The following PHF14 variants were observed in gnomAD, a reference collection of about 807,000 sequenced individuals.
PHF14 encodes the protein PHD finger protein 14.
In PHF14, 55 loss-of-function variants were observed where a neutral mutation model predicts 117.9. That is an observed-to-expected ratio of 0.47 (90% CI 0.38 to 0.58). PHF14 has a LOEUF of 0.58. Ranked by LOEUF, PHF14 falls within the 20% of genes least tolerant of loss-of-function variation. The pLI, the probability that PHF14 is intolerant of heterozygous loss-of-function variation, is 0.00. For missense variants in PHF14, 978 were observed against 1,122.2 expected (o/e 0.87, Z 1.84); for synonymous variants, 409 against 368.6 (o/e 1.11, Z -1.26).
intron 17 of PHF14, among the ~76,000 whole-genome samples, chr7:11,133,528 A>T (rs573801707): frequency 7.6e-4 from 116 of 152,058 alleles, no homozygotes; most frequent in Middle Eastern, 3.4e-3. Flanking sequence ...AGGGTGGTAA[A>T]TATTATGTCA....
At chr7:11,121,920 A>G (rs566759863) in intron 17 of PHF14, among the ~76,000 whole-genome samples, 7 of 151,742 alleles carry the variant, frequency 4.6e-5, no homozygotes, top group Admixed American at 2.6e-4. Context: ...GTAGGTATAC[A>G]TGTGCCATGG....
chr7:11,033,864 C>T (rs934901701), intron 7 of PHF14, among the ~76,000 whole-genome samples: 1 of 152,098 alleles, frequency 6.6e-6, no homozygotes, highest in African/African-American at 2.4e-5. Flanking sequence ...CATGAGAAAG[C>T]AGCTGTTTGT....
At chr7:11,141,955 A>G (rs952502530) in intron 17 of PHF14, among the ~76,000 whole-genome samples, 3 of 152,080 alleles carry the variant, frequency 2.0e-5, no homozygotes, top group Non-Finnish European at 4.4e-5. Flanking sequence ...TATGAGAAGT[A>G]TTTACCTAGA....
At chr7:11,034,126 CT>C (rs970161505) in intron 7 of PHF14, among the ~76,000 whole-genome samples, 28 of 150,526 alleles carry the variant, frequency 1.9e-4, no homozygotes, top group African/African-American at 6.6e-4. Flanking sequence ...GCCTCATATG[CT>C]TTTTTTTTAA....
chr7:11,029,082 A>G (rs961397552), intron 7 of PHF14, among the ~76,000 whole-genome samples: 7 of 152,174 alleles, frequency 4.6e-5, no homozygotes, highest in Admixed American at 2.6e-4. Context: ...AAAGCATTAA[A>G]ATGTCGGCAT....
At chr7:10,980,356 A>G (rs1782009318) in intron 2 of PHF14, among the ~76,000 whole-genome samples, 1 of 152,100 alleles carries the variant, frequency 6.6e-6, no homozygotes, top group Admixed American at 6.6e-5. Flanking sequence ...TTCTTTAGTC[A>G]GTGTGCATAA....
At chr7:11,085,540 A>C (rs1005186799) in intron 16 of PHF14, among the ~76,000 whole-genome samples, 2 of 152,198 alleles carry the variant, frequency 1.3e-5, no homozygotes, top group Non-Finnish European at 1.5e-5. Context: ...TGCTAAATTT[A>C]ATCGTTTTTT....
chr7:11,023,047 T>C, intron 6 of PHF14, 68 bp downstream of exon 6: 1 of 775,974 alleles, frequency 1.3e-6, no homozygotes, highest in Non-Finnish European at 2.1e-6. Flanking sequence ...CCTGGCTTTT[T>C]ATTTGTATTA....
At chr7:10,999,681 C>G (rs1782791162) in intron 4 of PHF14, among the ~76,000 whole-genome samples, 1 of 152,154 alleles carries the variant, frequency 6.6e-6, no homozygotes, top group Non-Finnish European at 1.5e-5. Context: ...TAATACGACC[C>G]CTGCTTCAGA....
intron 17 of PHF14, among the ~76,000 whole-genome samples, chr7:11,157,786 A>G (rs1445379765): frequency 3.3e-5 from 5 of 152,222 alleles, no homozygotes; most frequent in Admixed American, 3.3e-4. Context: ...ATACTCATTT[A>G]TAGTGTGGAG....
chr7:10,999,437 TTTACTATA>T (rs1782779709), intron 4 of PHF14, among the ~76,000 whole-genome samples: 1 of 152,170 alleles, frequency 6.6e-6, no homozygotes, highest in African/African-American at 2.4e-5. Context: ...AAGCAACTCT[TTTACTATA>T]GCTTTTACTT....
chr7:10,984,805 G>C (rs908472953), intron 3 of PHF14, among the ~76,000 whole-genome samples: 51 of 152,150 alleles, frequency 3.4e-4, no homozygotes, highest in African/African-American at 1.2e-3. Flanking sequence ...TGCATTTAAA[G>C]TCCATGTGTT....
Position 11,105,319 on chromosome 7 carries a change from A to C in PHF14, c.2655-6031A>C, listed in dbSNP as rs939273242. The C allele has an allele frequency of 3.2e-6, 3 of 941,792 alleles. No homozygotes were observed. The African/African-American group carries it at 5.3e-5, about 17-fold the overall frequency. The allele number at this position is 941,792 out of a possible 1,614,324, so 58.3% of individuals were successfully genotyped here. A position where few individuals can be genotyped will look rare whatever the true frequency, so the allele number is the denominator to read the frequency against. ...AAAAATAGACTGCTGACCAATAAAT[A>C]ATAAAATATTTACACTCCATTCTAT... On this transcript the variant is annotated intron_variant, in intron 16 of 17. Transcript: ENST00000634607.
At position 11,028,551 on chromosome 7, in the gene PHF14, G is replaced by A. The variant is rs1024933174; in HGVS notation, c.1318-130G>A. The A allele has an allele frequency of 6.4e-6, 5 of 775,716 alleles. No homozygotes were observed. The African/African-American group carries it at 8.9e-5, about 14-fold the overall frequency. 48.1% of individuals were successfully genotyped at this position (775,716 alleles called of 1,614,324 possible). ...CTTGGCTCGCCTATGATTATTGTTT[G>A]TATTGGTACATAATTGGTTCATTAT... On this transcript the variant is annotated intron_variant, in intron 6 of 17. Coordinates refer to ENST00000634607, the MANE Select transcript of PHF14 (RefSeq NM_001007157.2).
At chr7:11,146,377 C>T (rs904325403) in intron 17 of PHF14, among the ~76,000 whole-genome samples, 1 of 151,920 alleles carries the variant, frequency 6.6e-6, no homozygotes, top group African/African-American at 2.4e-5. Flanking sequence ...CTAACCTTAT[C>T]CTCATCCCTT....
rs150177317 is a variant in PHF14, at chr7:11,092,085, A to G, written c.2655-19265A>G. ...TTTAAGCTTTGTTTTGCTGACTGAAATACCTCTGTGTATAAATAATACTTA... is the reference window on the plus strand; with the variant it reads ...TTTAAGCTTTGTTTTGCTGACTGAAGTACCTCTGTGTATAAATAATACTTA... On this transcript the variant is annotated intron_variant, in intron 16 of 17. Coordinates refer to ENST00000634607, the MANE Select transcript of PHF14 (RefSeq NM_001007157.2). Among the ~76,000 whole-genome samples the G allele has an allele frequency of 7.3e-4, 91 of 124,340 alleles. 1 individual carries two copies. Among genetic ancestry groups the G allele is most frequent in the African/African-American group, 2.7e-3 (88 of 32,838 alleles). The allele number at this position is 124,340 out of a possible 152,430, so 81.6% of individuals were successfully genotyped here.
chr7:11,169,333 C>T, intron 17 of PHF14, 83 bp from the exon 18 acceptor site: 1 of 625,898 alleles, frequency 1.6e-6, no homozygotes, highest in African/African-American at 1.9e-5. Flanking sequence ...CATAGTTCTA[C>T]AGATGCAGTT....
intron 5 of PHF14, among the ~76,000 whole-genome samples, chr7:11,015,737 C>A (rs1002720428): frequency 6.6e-6 from 1 of 151,900 alleles, no homozygotes; most frequent in African/African-American, 2.4e-5. Flanking sequence ...TTACTACTGC[C>A]GTTACTGCTG....
At chr7:11,038,698 G>A (rs1784397275) in intron 10 of PHF14, 62 bp from the exon 11 acceptor site, 1 of 613,386 alleles carries the variant, frequency 1.6e-6, no homozygotes, top group Admixed American at 3.0e-5. Flanking sequence ...GAATAGAAAT[G>A]TAGATATTTC....
Sources: gnomAD v4.1 joint callset for allele counts (sites outside exome capture counted in the v4.1 genomes callset) on GRCh38, gnomAD v4.1.1 for gene constraint, MANE v1.5 for transcripts, NCBI Gene and HGNC (gene_info 2026-07-23, HGNC 2026-07-21) for gene names.